Variants in COL10A1 observed in about 807,000 individuals in gnomAD.
COL10A1 encodes the protein collagen alpha-1(X) chain.
Under a neutral mutation model 18.2 loss-of-function variants are expected in COL10A1, and 10 were observed. That is an observed-to-expected ratio of 0.55 (90% confidence interval 0.34 to 0.93). COL10A1 has a LOEUF of 0.93. Ranked by LOEUF, COL10A1 falls within the 40% of genes least tolerant of loss-of-function variation. The pLI, the probability that COL10A1 is intolerant of heterozygous loss-of-function variation, is 0.02. For synonymous variants in COL10A1, 330 were observed against 316.6 expected (o/e 1.04, Z -0.45); for missense variants, 897 against 853.5 (o/e 1.05, Z -0.64).
At chr6:116,191,449 A>G in the COL10A1 span, among the ~76,000 whole-genome samples, 4 of 152,110 alleles carry the variant, frequency 2.6e-5, no homozygotes, top group African/African-American at 9.6e-5. Flanking sequence ...AATGTTTTAC[A>G]GTGTAAGAGG....
upstream of COL10A1, among the ~76,000 whole-genome samples, chr6:116,162,937 C>T (rs1168347350): frequency 6.6e-6 from 1 of 151,780 alleles, no homozygotes; most frequent in Non-Finnish European, 1.5e-5. Context: ...ACCATCCTAG[C>T]TAACATGGTG....
upstream of COL10A1, among the ~76,000 whole-genome samples, chr6:116,161,849 C>T (rs1168139849): frequency 6.6e-6 from 1 of 152,162 alleles, no homozygotes; most frequent in South Asian, 2.1e-4. Context: ...ATTGATTCTT[C>T]CTGCCCATGA....
chr6:116,145,062 C>T (rs1779862700), intron 1 of COL10A1, among the ~76,000 whole-genome samples: 1 of 152,100 alleles, frequency 6.6e-6, no homozygotes, highest in African/African-American at 2.4e-5. Flanking sequence ...AATGGAATGC[C>T]TTTTAAATCT....
At chr6:116,165,733 T>A in the COL10A1 span, among the ~76,000 whole-genome samples, 1 of 152,192 alleles carries the variant, frequency 6.6e-6, no homozygotes, top group Admixed American at 6.5e-5. Flanking sequence ...CACTTCCCCC[T>A]CTTCTAGGGG....
chr6:116,166,969 G>C, the COL10A1 span, among the ~76,000 whole-genome samples: 3 of 152,068 alleles, frequency 2.0e-5, no homozygotes, highest in South Asian at 2.1e-4. Flanking sequence ...TAATTGTTTT[G>C]GGGAGCCTAC....
At chr6:116,129,019 A>G (rs1036007860), upstream of COL10A1, among the ~76,000 whole-genome samples, 1 of 152,188 alleles carries the variant, frequency 6.6e-6, no homozygotes, top group Non-Finnish European at 1.5e-5. Context: ...CTGTCACTCA[A>G]TTCTCTTTTC....
At chr6:116,176,316 C>T in the COL10A1 span, among the ~76,000 whole-genome samples, 1 of 152,152 alleles carries the variant, frequency 6.6e-6, no homozygotes. Context: ...TTGCTCTTCC[C>T]CTAGCAGAAG....
In COL10A1 at chr6:116,120,254, A is replaced by G; in HGVS notation, c.1862T>C (p.Val621Ala). 6.2e-7 allele frequency: 1 copy of G among 1,614,226 alleles called. No homozygotes were observed. Among genetic ancestry groups the G allele is most frequent in the Non-Finnish European group, 8.5e-7 (1 of 1,180,026 alleles). ...GGTGTATTCATCATAGGTGTACATTACAGGGGTGCCATTCTTATACAGGCC... is the reference window on the plus strand; with the variant it reads ...GGTGTATTCATCATAGGTGTACATTGCAGGGGTGCCATTCTTATACAGGCC... ...WVGLYKNGTPVMYTYDEYTKG... is the reference protein window; with the variant it reads ...WVGLYKNGTPAMYTYDEYTKG... Residue 621 changes from valine to alanine, a missense_variant, in exon 3 of 3, where the codon GTA becomes GCA. Val to Ala is a moderately conservative substitution (Grantham distance 64). Transcript: ENST00000651968.
chr6:116,172,165 C>A, the COL10A1 span, among the ~76,000 whole-genome samples: 2 of 152,108 alleles, frequency 1.3e-5, no homozygotes, highest in Admixed American at 6.5e-5. Context: ...CTAAGTGATA[C>A]AATCTCATGA....
chr6:116,132,198 G>A (rs1019261785), intron 1 of COL10A1, among the ~76,000 whole-genome samples: 3 of 152,054 alleles, frequency 2.0e-5, no homozygotes, highest in African/African-American at 7.2e-5. Context: ...GGGATTCATG[G>A]CCTTGTTTCC....
chr6:116,162,900 G>A (rs1294029771), upstream of COL10A1, among the ~76,000 whole-genome samples: 2 of 151,800 alleles, frequency 1.3e-5, no homozygotes, highest in African/African-American at 2.4e-5. Flanking sequence ...GGCCAAGGCG[G>A]GCAGATCACG....
upstream of COL10A1, among the ~76,000 whole-genome samples, chr6:116,159,350 G>GT (rs534153615): frequency 6.0e-4 from 91 of 152,206 alleles, 2 homozygotes; most frequent in East Asian, 8.3e-3. Flanking sequence ...CATTATTTCT[G>GT]TTTTTTAATT....
At chr6:116,185,730 C>A in the COL10A1 span, among the ~76,000 whole-genome samples, 1 of 151,994 alleles carries the variant, frequency 6.6e-6, no homozygotes, top group Non-Finnish European at 1.5e-5. Context: ...TTTTTTTCTA[C>A]CCCTTTACCT....
the COL10A1 span, among the ~76,000 whole-genome samples, chr6:116,204,112 A>G: frequency 2.0e-5 from 3 of 151,846 alleles, 1 homozygote; most frequent in East Asian, 3.9e-4. Context: ...ACACCTGGGT[A>G]AGGGAGAGGA....
chr6:116,154,576 C>G (rs1031745156), intron 1 of COL10A1, among the ~76,000 whole-genome samples: 1 of 151,990 alleles, frequency 6.6e-6, no homozygotes, highest in Non-Finnish European at 1.5e-5. Flanking sequence ...TTAAAAAATG[C>G]TAGAACAGTG....
the COL10A1 span, among the ~76,000 whole-genome samples, chr6:116,167,444 C>T: frequency 6.6e-6 from 1 of 152,010 alleles, no homozygotes; most frequent in South Asian, 2.1e-4. Context: ...AATCTCCTGG[C>T]CTTGTGATCC....
the COL10A1 span, among the ~76,000 whole-genome samples, chr6:116,173,566 G>A: frequency 6.6e-6 from 1 of 152,064 alleles, no homozygotes. Context: ...GCGAGGGCGA[G>A]TGTGCTCCTC....
the COL10A1 span, among the ~76,000 whole-genome samples, chr6:116,206,712 T>A: frequency 6.6e-6 from 1 of 152,030 alleles, no homozygotes; most frequent in Non-Finnish European, 1.5e-5. Context: ...GACATTTAGA[T>A]AAAGTTCCTT....
At chr6:116,193,791 C>T in the COL10A1 span, among the ~76,000 whole-genome samples, 1 of 151,912 alleles carries the variant, frequency 6.6e-6, no homozygotes, top group East Asian at 1.9e-4. Context: ...AGGAGTTGGG[C>T]CAGGCACAAT....
Sources: allele counts gnomAD v4.1 joint callset (sites outside exome capture counted in the v4.1 genomes callset), GRCh38; gene constraint gnomAD v4.1.1; transcripts MANE v1.5; gene names NCBI Gene and HGNC (gene_info 2026-07-23, HGNC 2026-07-21).